DNAJC5B: variants seen among roughly 807,000 people sequenced by gnomAD.
DNAJC5B encodes the protein dnaJ homolog subfamily C member 5B.
Under a neutral mutation model 24.7 loss-of-function variants are expected in DNAJC5B, and 23 were observed. The observed-to-expected ratio is 0.93, with a 90% CI of 0.67 to 1.32. The LOEUF (loss-of-function observed/expected upper bound fraction) is 1.32, where lower values mean the gene tolerates loss of function less well. DNAJC5B is among the 40% of genes most tolerant of loss of function. The probability of loss-of-function intolerance (pLI) is 0.00; values close to 1 mark genes in which losing one functional copy is unlikely to be tolerated. For synonymous variants in DNAJC5B, 101 were observed against 90.1 expected (o/e 1.12, Z -0.68); for missense variants, 238 against 240.8 (o/e 0.99, Z 0.08).
chr8:66,037,478 G>A (rs79513051), intron 1 of DNAJC5B, among the ~76,000 whole-genome samples: 8,388 of 152,188 alleles, frequency 0.055, 340 homozygotes, highest in Middle Eastern at 0.11. Flanking sequence ...GCAGCAGAGG[G>A]AGATGCTACC....
At chr8:66,017,039 A>G (rs1805972828), upstream of DNAJC5B, among the ~76,000 whole-genome samples, 2 of 151,810 alleles carry the variant, frequency 1.3e-5, no homozygotes. Context: ...GTTCCTATAT[A>G]TAACTTTCTG....
intron 3 of DNAJC5B, among the ~76,000 whole-genome samples, chr8:66,072,385 A>G (rs1407121016): frequency 2.0e-5 from 3 of 152,214 alleles, no homozygotes; most frequent in Non-Finnish European, 2.9e-5. Flanking sequence ...GATATAGAAG[A>G]TTTGAACAAA....
rs573972874 is a variant in DNAJC5B at position 66,061,258 on chromosome 8, C to G, written c.119+9592C>G. Among the ~76,000 whole-genome samples the G allele has an allele frequency of 2.0e-5, 3 of 152,200 alleles. No homozygotes were observed. In the East Asian group the frequency reaches 5.8e-4, roughly 29 times the overall value. The stretch of plus-strand genomic sequence containing the variant: ...ACTGAGCCTGTGAATAGCCACCGCA[C>G]TCCAGCCTGGGCAACACAGAAAGAT... On this transcript the variant is annotated intron_variant, in intron 3 of 5. Transcript: ENST00000276570.
rs181780764 is a variant in DNAJC5B, at chr8:66,073,628, T to G, written c.120-3032T>G. On this transcript the variant is annotated intron_variant, in intron 3 of 5. Coordinates refer to ENST00000276570, the MANE Select transcript of DNAJC5B (RefSeq NM_033105.6). Reference sequence around the variant, plus strand: ...ATGGCAGAATTTGCTCTTTAAGATATGAAGACGTATTTTAAAGCATCACAT... The same window carrying G: ...ATGGCAGAATTTGCTCTTTAAGATAGGAAGACGTATTTTAAAGCATCACAT... Among the ~76,000 whole-genome samples, 485 of 152,278 alleles carry G rather than the reference T, an allele frequency of 3.2e-3. 1 individual carries two copies. Among genetic ancestry groups the G allele is most frequent in the Non-Finnish European group, 5.4e-3 (364 of 68,010 alleles).
chr8:66,036,623 G>A (rs887032479), intron 1 of DNAJC5B, among the ~76,000 whole-genome samples: 21 of 152,158 alleles, frequency 1.4e-4, no homozygotes, highest in African/African-American at 4.3e-4. Flanking sequence ...GATTTGGGGT[G>A]AGAAATATTT....
At chr8:66,031,274 T>C (rs1293794511) in intron 1 of DNAJC5B, among the ~76,000 whole-genome samples, 1 of 152,224 alleles carries the variant, frequency 6.6e-6, no homozygotes, top group African/African-American at 2.4e-5. Context: ...TTATTATAAA[T>C]GCTCATTTTA....
chr8:66,100,092 C>A lies in DNAJC5B; in HGVS notation c.*61C>A, dbSNP rs1563616373. On this transcript the variant is annotated 3_prime_UTR_variant, in exon 6 of 6. Coordinates refer to ENST00000276570, the MANE Select transcript of DNAJC5B (RefSeq NM_033105.6). ...CAGTTCAGTCTTGTCTCCAGATGGT[C>A]GTAGGGGAGCGTGTGGGGCATAAAG... 2.1e-6 allele frequency: 3 copies of A among 1,437,380 alleles called. No homozygotes were observed. The South Asian group carries it at 3.7e-5, about 18-fold the overall frequency. The allele number at this position is 1,437,380 out of a possible 1,614,324, so 89.0% of individuals were successfully genotyped here. A position where few individuals can be genotyped will look rare whatever the true frequency, so the allele number is the denominator to read the frequency against.
chr8:66,065,034 T>C (rs1439984492), intron 3 of DNAJC5B, among the ~76,000 whole-genome samples: 3 of 152,234 alleles, frequency 2.0e-5, no homozygotes, highest in Non-Finnish European at 2.9e-5. Flanking sequence ...GTCAAGTTAA[T>C]ACACATTCTA....
intron 3 of DNAJC5B, chr8:66,057,610 A>G (rs1330040181): frequency 1.3e-5 from 2 of 152,244 alleles, no homozygotes; most frequent in African/African-American, 4.8e-5. Context: ...AACCCAAAGC[A>G]ATCAATGCCA....
chr8:66,019,649 A>C (rs1806057452), upstream of DNAJC5B, among the ~76,000 whole-genome samples: 1 of 152,256 alleles, frequency 6.6e-6, no homozygotes, highest in Non-Finnish European at 1.5e-5. Context: ...ATTAATTTAA[A>C]GGAAAATGTT....
intron 3 of DNAJC5B, among the ~76,000 whole-genome samples, chr8:66,062,385 A>G (rs1015689496): frequency 1.3e-5 from 2 of 152,220 alleles, no homozygotes; most frequent in African/African-American, 2.4e-5. Flanking sequence ...GGGACCTTCA[A>G]GTGAAAAGTA....
At chr8:66,050,693 G>A (rs188053990) in intron 2 of DNAJC5B, among the ~76,000 whole-genome samples, 4 of 152,252 alleles carry the variant, frequency 2.6e-5, no homozygotes, top group Admixed American at 2.0e-4. Flanking sequence ...AAAGCTAAAC[G>A]GCTAATAGGA....
chr8:66,026,852 G>A (rs1193872183), intron 1 of DNAJC5B, among the ~76,000 whole-genome samples: 1 of 152,236 alleles, frequency 6.6e-6, no homozygotes, highest in East Asian at 1.9e-4. Context: ...ACTCTAGTTA[G>A]TGTCTTTTCC....
intron 2 of DNAJC5B, among the ~76,000 whole-genome samples, chr8:66,048,108 A>G (rs1806762702): frequency 6.6e-6 from 1 of 152,128 alleles, no homozygotes. Context: ...AGTATATGCA[A>G]AGCAACCTGA....
chr8:66,100,823 T>C lies in DNAJC5B; in HGVS notation c.*792T>C, dbSNP rs1053385378. 6.6e-6 allele frequency among the ~76,000 whole-genome samples: 1 copy of C among 152,176 alleles called. No homozygotes were observed. The highest frequency in any genetic ancestry group is 1.5e-5 in the Non-Finnish European group (1 of 68,036). On this transcript the variant is annotated 3_prime_UTR_variant, in exon 6 of 6. Transcript: ENST00000276570. ...AAAAAAACAGATGAAGGGGTAGAAC[T>C]CTATACTCTAGAGCCTAAATTTACA...
At chr8:66,035,741 G>A (rs1450988252) in intron 1 of DNAJC5B, among the ~76,000 whole-genome samples, 1 of 152,166 alleles carries the variant, frequency 6.6e-6, no homozygotes, top group Non-Finnish European at 1.5e-5. Context: ...GCGGTTTGTG[G>A]TACCTCGTTA....
chr8:66,029,511 T>C (rs544929265), intron 1 of DNAJC5B, among the ~76,000 whole-genome samples: 1 of 152,138 alleles, frequency 6.6e-6, no homozygotes, highest in Non-Finnish European at 1.5e-5. Flanking sequence ...AGTGATGAGA[T>C]AACATTTGCA....
chr8:66,018,221 G>T (rs1806010035), upstream of DNAJC5B, among the ~76,000 whole-genome samples: 1 of 152,130 alleles, frequency 6.6e-6, no homozygotes. Context: ...TGCAATTTGT[G>T]TTTTAACAAG....
chr8:66,037,085 A>T (rs1272609362), intron 1 of DNAJC5B, among the ~76,000 whole-genome samples: 1 of 152,092 alleles, frequency 6.6e-6, no homozygotes, highest in Admixed American at 6.5e-5. Flanking sequence ...TCTGGAGGTG[A>T]GGCCTGGCCC....
Sources: allele counts gnomAD v4.1 joint callset (sites outside exome capture counted in the v4.1 genomes callset), GRCh38; gene constraint gnomAD v4.1.1; transcripts MANE v1.5; gene names NCBI Gene and HGNC (gene_info 2026-07-23, HGNC 2026-07-21).